The following TP63 variants were observed in gnomAD, a reference collection of about 807,000 sequenced individuals.
TP63 encodes the protein tumor protein p63.
A neutral mutation model predicts 82.8 loss-of-function variants in TP63; 17 were observed. The ratio of observed to expected loss-of-function variants is 0.21; its 90% CI spans 0.14 to 0.31. The LOEUF is 0.31. TP63 is among the 10% of genes least tolerant of loss of function. TP63 has a pLI of 1.00. For synonymous variants in TP63, 330 were observed against 321.7 expected (o/e 1.03, Z -0.28); for missense variants, 648 against 895.3 (o/e 0.72, Z 3.52).
chr3:189,650,588 C>G (rs1053702768), intron 1 of TP63, among the ~76,000 whole-genome samples: 1 of 147,044 alleles, frequency 6.8e-6, no homozygotes, highest in African/African-American at 2.5e-5. Context: ...TTCCTGCCAC[C>G]ATGTGAAGAA....
intron 1 of TP63, among the ~76,000 whole-genome samples, chr3:189,635,969 G>A (rs1381878246): frequency 2.0e-5 from 3 of 152,062 alleles, no homozygotes; most frequent in Non-Finnish European, 1.5e-5. Flanking sequence ...AGCCATCTCC[G>A]TAATCACTAA....
upstream of TP63, chr3:189,631,157 C>T: frequency 1.2e-6 from 1 of 865,488 alleles, no homozygotes; most frequent in Non-Finnish European, 1.4e-6. Context: ...CGACAGAGAT[C>T]AGAAGTTCAG....
At chr3:189,790,789 T>G (rs536485697) in intron 3 of TP63, among the ~76,000 whole-genome samples, 8 of 152,138 alleles carry the variant, frequency 5.3e-5, no homozygotes, top group African/African-American at 1.9e-4. Context: ...CTTGGAAAAG[T>G]GGACTAGAGT....
chr3:189,815,154 A>G (rs1728038665), intron 4 of TP63, among the ~76,000 whole-genome samples: 1 of 151,158 alleles, frequency 6.6e-6, no homozygotes, highest in Admixed American at 6.6e-5. Flanking sequence ...TTGGTTTTGT[A>G]GGTATCATCA....
chr3:189,831,814 T>C (rs1363229884), intron 4 of TP63, among the ~76,000 whole-genome samples: 1 of 148,464 alleles, frequency 6.7e-6, no homozygotes, highest in Non-Finnish European at 1.5e-5. Flanking sequence ...AAAGCTATTA[T>C]GCTCTTTTTT....
At chr3:189,776,420 T>TG (rs1349965208) in intron 3 of TP63, among the ~76,000 whole-genome samples, 12 of 152,174 alleles carry the variant, frequency 7.9e-5, no homozygotes, top group Admixed American at 7.9e-4. Context: ...GGTGAATACA[T>TG]GTATAGCCCT....
chr3:189,888,361 T>C (rs1720682499), intron 11 of TP63, among the ~76,000 whole-genome samples: 1 of 152,200 alleles, frequency 6.6e-6, no homozygotes, highest in Non-Finnish European at 1.5e-5. Flanking sequence ...TCTTGTGACA[T>C]CTTAGAGTCC....
chr3:189,667,597 G>A (rs17504872), intron 1 of TP63, among the ~76,000 whole-genome samples: 4,965 of 152,150 alleles, frequency 0.033, 108 homozygotes, highest in Non-Finnish European at 0.052. Context: ...ATCTTTACAA[G>A]CTCAGGAAGA....
intron 1 of TP63, among the ~76,000 whole-genome samples, chr3:189,654,546 C>T (rs2108641857): frequency 1.3e-5 from 2 of 152,168 alleles, no homozygotes; most frequent in South Asian, 4.1e-4. Context: ...TTAAGAAGTA[C>T]TTTTCAATGG....
At chr3:189,723,302 A>T (rs1029243712) in intron 1 of TP63, among the ~76,000 whole-genome samples, 1 of 152,200 alleles carries the variant, frequency 6.6e-6, no homozygotes, top group African/African-American at 2.4e-5. Context: ...CTCTGAAGCC[A>T]TATCCTTAGG....
At chr3:189,756,912 A>G (rs1722229731) in intron 3 of TP63, among the ~76,000 whole-genome samples, 1 of 152,212 alleles carries the variant, frequency 6.6e-6, no homozygotes, top group Non-Finnish European at 1.5e-5. Flanking sequence ...CAGCAGAAAC[A>G]CAGGAGCTGA....
At chr3:189,661,470 T>C (rs181739579) in intron 1 of TP63, among the ~76,000 whole-genome samples, 13 of 152,246 alleles carry the variant, frequency 8.5e-5, no homozygotes, top group Admixed American at 5.9e-4. Context: ...CTGGATTCAA[T>C]ATGTTGGTAT....
At chr3:189,881,124 C>T in intron 10 of TP63, 1 of 985,344 alleles carries the variant, frequency 1.0e-6, no homozygotes, top group Non-Finnish European at 1.2e-6. Flanking sequence ...CTCAAGCCTA[C>T]CTACCATAAA....
intron 3 of TP63, among the ~76,000 whole-genome samples, chr3:189,753,602 C>T (rs1397782926): frequency 2.6e-5 from 4 of 151,876 alleles, no homozygotes; most frequent in African/African-American, 7.2e-5. Flanking sequence ...AGAGTTGGCT[C>T]ATTCTTATGC....
At chr3:189,839,689 T>C (rs1713690579) in intron 4 of TP63, among the ~76,000 whole-genome samples, 1 of 152,194 alleles carries the variant, frequency 6.6e-6, no homozygotes, top group Non-Finnish European at 1.5e-5. Context: ...AGCTAAATAG[T>C]GTGATGCAAT....
intron 3 of TP63, among the ~76,000 whole-genome samples, chr3:189,780,190 G>A (rs1259969166): frequency 6.6e-6 from 1 of 152,206 alleles, no homozygotes; most frequent in Non-Finnish European, 1.5e-5. Flanking sequence ...GAGTTTGCCT[G>A]TTGGAGATAA....
chr3:189,727,686 A>G (rs1425122927), intron 1 of TP63, among the ~76,000 whole-genome samples: 1 of 151,986 alleles, frequency 6.6e-6, no homozygotes, highest in Non-Finnish European at 1.5e-5. Context: ...CTCCATTTTC[A>G]TGTATCTGGG....
At chr3:189,662,503 A>G (rs1713972365) in intron 1 of TP63, among the ~76,000 whole-genome samples, 1 of 152,022 alleles carries the variant, frequency 6.6e-6, no homozygotes, top group Non-Finnish European at 1.5e-5. Flanking sequence ...ACATTCCTCT[A>G]ATCTGCACAC....
chr3:189,880,816 T>C (rs1577184090), intron 10 of TP63: 1 of 985,390 alleles, frequency 1.0e-6, no homozygotes, highest in Non-Finnish European at 1.2e-6. Flanking sequence ...ATTTGTGTCC[T>C]CCCCTCATGT....
Sources: gnomAD v4.1 joint callset for allele counts (sites outside exome capture counted in the v4.1 genomes callset) on GRCh38, gnomAD v4.1.1 for gene constraint, MANE v1.5 for transcripts, NCBI Gene and HGNC (gene_info 2026-07-23, HGNC 2026-07-21) for gene names.